The following NFAT5 variants were observed in gnomAD, a reference collection of about 807,000 sequenced individuals.
NFAT5 encodes the protein nuclear factor of activated T cells 5.
In NFAT5, 31 loss-of-function variants were observed where a neutral mutation model predicts 166.5. The ratio of observed to expected loss-of-function variants is 0.19; its 90% CI spans 0.14 to 0.25. NFAT5 has a LOEUF of 0.25. NFAT5 is among the 10% of genes least tolerant of loss of function. NFAT5 has a pLI of 1.00. For missense variants in NFAT5, 1,449 were observed against 1,821.8 expected (o/e 0.80, Z 3.72); for synonymous variants, 612 against 639.7 (o/e 0.96, Z 0.65).
intron 2 of NFAT5, among the ~76,000 whole-genome samples, chr16:69,600,144 C>A (rs2033046941): frequency 7.3e-6 from 1 of 137,434 alleles, no homozygotes; most frequent in Non-Finnish European, 1.5e-5. Flanking sequence ...GGATTCATTT[C>A]TCTGGGAAAA....
intron 13 of NFAT5, among the ~76,000 whole-genome samples, chr16:69,694,502 G>A (rs1433238103): frequency 1.3e-5 from 2 of 152,098 alleles, no homozygotes; most frequent in Non-Finnish European, 2.9e-5. Context: ...TGATCCGCTG[G>A]CCTCGGCCTC....
At position 69,700,704 on chromosome 16, in the gene NFAT5, C is replaced by T. The variant is rs1293238073; in HGVS notation, c.*4353C>T. 1 of 151,934 alleles carries T rather than the reference C, an allele frequency of 6.6e-6. No individual in the cohort carries two copies. Among genetic ancestry groups the T allele is most frequent in the African/African-American group, 2.4e-5 (1 of 41,324 alleles). 9.4% of individuals were successfully genotyped at this position (151,934 alleles called of 1,614,324 possible). On this transcript the variant is annotated 3_prime_UTR_variant, in exon 15 of 15. Coordinates refer to ENST00000349945, the MANE Select transcript of NFAT5 (RefSeq NM_138713.4). ...AGACAGCTGTCTTATATCTGCATGC[C>T]TTAGACTGTGTGGAGGGACTCCATG... is the stretch of plus-strand genomic sequence containing the variant.
At chr16:69,593,335 T>TA (rs1221116230) in intron 2 of NFAT5, among the ~76,000 whole-genome samples, 16 of 152,230 alleles carry the variant, frequency 1.1e-4, no homozygotes, top group African/African-American at 2.9e-4. Flanking sequence ...ACTTCTTTTT[T>TA]AAAAAAAAAT....
At chr16:69,620,435 A>G (rs1172580360) in intron 2 of NFAT5, among the ~76,000 whole-genome samples, 1 of 152,168 alleles carries the variant, frequency 6.6e-6, no homozygotes, top group Non-Finnish European at 1.5e-5. Flanking sequence ...TAGAAAAAAT[A>G]TATCAGAAAA....
At chr16:69,621,836 A>G (rs2034212195) in intron 2 of NFAT5, among the ~76,000 whole-genome samples, 1 of 152,036 alleles carries the variant, frequency 6.6e-6, no homozygotes, top group Non-Finnish European at 1.5e-5. Context: ...GCCAGTGTAC[A>G]TTTGTGGTCC....
chr16:69,623,905 G>A (rs1353983145), intron 2 of NFAT5, among the ~76,000 whole-genome samples: 3 of 142,422 alleles, frequency 2.1e-5, no homozygotes, highest in Non-Finnish European at 4.5e-5. Context: ...AAGATCTACC[G>A]AAATGCATTT....
chr16:69,614,878 CTTTTTTT>C (rs55841097), intron 2 of NFAT5, among the ~76,000 whole-genome samples: 1 of 130,990 alleles, frequency 7.6e-6, no homozygotes, highest in African/African-American at 2.9e-5. Flanking sequence ...TTTCTTTTTC[CTTTTTTT>C]TTTTTTTTTG....
At chr16:69,695,038 A>T in intron 13 of NFAT5, 98 bp from the exon 14 acceptor site, 1 of 890,876 alleles carries the variant, frequency 1.1e-6, no homozygotes, top group Non-Finnish European at 1.7e-6. Flanking sequence ...ACTAATAAAT[A>T]TCTTTTCATG....
At chr16:69,652,222 C>A (rs932115461) in intron 4 of NFAT5, among the ~76,000 whole-genome samples, 1 of 151,832 alleles carries the variant, frequency 6.6e-6, no homozygotes, top group African/African-American at 2.4e-5. Context: ...GAGACTGAGG[C>A]GGGAGGATCA....
intron 3 of NFAT5, among the ~76,000 whole-genome samples, chr16:69,644,183 G>T (rs944037239): frequency 5.9e-5 from 9 of 152,038 alleles, no homozygotes; most frequent in African/African-American, 2.2e-4. Context: ...TACTCGGGAA[G>T]CTGAGGCAGG....
In NFAT5 at chr16:69,566,264, C is replaced by G. The variant is rs556687502; in HGVS notation, c.-38C>G. 1.3e-5 allele frequency: 21 copies of G among 1,579,426 alleles called. No individual in the cohort carries two copies. The highest frequency in any genetic ancestry group is 4.6e-5 in the South Asian group (4 of 86,374). On this transcript the variant is annotated 5_prime_UTR_variant, in exon 1 of 15. Coordinates refer to ENST00000349945, the MANE Select transcript of NFAT5 (RefSeq NM_138713.4). The surrounding 1 kb of genome is among the most constrained non-coding windows in gnomAD (Gnocchi z 5.7). ...GTGCCGCCGCCACCGCCGCTCCCCC[C>G]CTCCCGCTGCCCTCGGGCCGGGCTG...
chr16:69,651,531 C>T (rs1597472313), intron 4 of NFAT5, among the ~76,000 whole-genome samples: 1 of 152,224 alleles, frequency 6.6e-6, no homozygotes, highest in Non-Finnish European at 1.5e-5. Flanking sequence ...CGTAATATTC[C>T]TACTGGAATC....
At chr16:69,634,206 G>T (rs1469820926) in intron 3 of NFAT5, among the ~76,000 whole-genome samples, 1 of 148,716 alleles carries the variant, frequency 6.7e-6, no homozygotes, top group Non-Finnish European at 1.5e-5. Context: ...TCGAACCTGG[G>T]AGGCAGAGGT....
chr16:69,693,786 C>A lies in NFAT5; in HGVS notation c.3961C>A (p.Gln1321Lys). The change falls in exon 13 of 15, where the codon CAA becomes AAA. Residue 1321 changes from glutamine (Q) to lysine (K), a missense_variant. Around this residue, in one of 7 missense-constraint regions of NFAT5, gnomAD observed 891 missense variants for 993.0 expected, o/e 0.90. Transcript: ENST00000349945. ...TCAAAATCCAATGGCTAATCAGGAGCAACAGAACCAGTCAATTTTTCACCA... is the reference window on the plus strand; with the variant it reads ...TCAAAATCCAATGGCTAATCAGGAGAAACAGAACCAGTCAATTTTTCACCA... ...PNQNPMANQE[Q>K]QNQSIFHQQS... 1 of 1,614,208 alleles carries A rather than the reference C, an allele frequency of 6.2e-7. No individual in the cohort carries two copies. The highest frequency in any genetic ancestry group is 8.5e-7 in the Non-Finnish European group (1 of 1,180,044).
Position 69,673,395 on chromosome 16 carries a change from A to G in NFAT5, c.1557+3107A>G, listed in dbSNP as rs998224125. On this transcript the variant is annotated intron_variant, in intron 9 of 14. Coordinates refer to ENST00000349945, the MANE Select transcript of NFAT5 (RefSeq NM_138713.4). ...ATTGATTCTAGAGATTATATAAAGG[A>G]AGAAAACCCACAAAGCAAACCTTTA... is the stretch of plus-strand genomic sequence containing the variant. Among the ~76,000 whole-genome samples, 15 of 152,210 alleles carry G rather than the reference A, an allele frequency of 9.9e-5. 2 individuals are homozygous for G. Among genetic ancestry groups the G allele is most frequent in the East Asian group, 3.9e-4 (2 of 5,184 alleles).
chr16:69,670,319 T>C (rs2036575515), intron 9 of NFAT5, 31 bp downstream of exon 9: 5 of 1,383,340 alleles, frequency 3.6e-6, no homozygotes, highest in Non-Finnish European at 5.0e-6. Flanking sequence ...ATAATTTGGT[T>C]ATTTACTCTC....
intron 2 of NFAT5, among the ~76,000 whole-genome samples, chr16:69,600,343 A>G (rs1315563286): frequency 6.6e-6 from 1 of 152,158 alleles, no homozygotes; most frequent in East Asian, 1.9e-4. Context: ...ACAGAAGCCA[A>G]GTAGTAGTTG....
At chr16:69,672,483 G>T (rs148627310) in intron 9 of NFAT5, among the ~76,000 whole-genome samples, 1,756 of 152,268 alleles carry the variant, frequency 0.012, 26 homozygotes, top group African/African-American at 0.037. Flanking sequence ...CCACTCCCAT[G>T]AACCAACAAT....
chr16:69,692,534 G>A lies in NFAT5; in HGVS notation c.2709G>A (p.Gln903=). The A allele has an allele frequency of 6.2e-7, 1 of 1,614,008 alleles. No individual in the cohort carries two copies. Among genetic ancestry groups the A allele is most frequent in the Non-Finnish European group, 8.5e-7 (1 of 1,180,008 alleles). ...CTAATCAACAGCAGCAGCAGCAGCAGCAACAGCAAGTGATGGAATCTTCAG... is the reference window on the plus strand; with the variant it reads ...CTAATCAACAGCAGCAGCAGCAGCAACAACAGCAAGTGATGGAATCTTCAG... The part of the protein sequence containing the change: ...TLSNQQQQQQ[Q]QQQVMESSAA... The change falls in exon 13 of 15, where the codon CAG becomes CAA. Residue 903 remains glutamine, a synonymous_variant. Coordinates refer to ENST00000349945, the MANE Select transcript of NFAT5 (RefSeq NM_138713.4).
Sources: gnomAD v4.1 joint callset for allele counts (sites outside exome capture counted in the v4.1 genomes callset) on GRCh38, gnomAD v4.1.1 for gene constraint, gnomAD v4.1.1 regional missense constraint, Gnocchi (gnomAD v3.1) non-coding constraint, MANE v1.5 for transcripts, NCBI Gene and HGNC (gene_info 2026-07-23, HGNC 2026-07-21) for gene names.